WASHC3: variants seen among roughly 807,000 people sequenced by gnomAD.
The protein encoded by WASHC3 is WASH complex subunit CCDC53.
Under a neutral mutation model 26.1 loss-of-function variants are expected in WASHC3, and 24 were observed. The ratio of observed to expected loss-of-function variants is 0.92; its 90% CI spans 0.66 to 1.29. The LOEUF (loss-of-function observed/expected upper bound fraction) is 1.29, where lower values mean the gene tolerates loss of function less well. Ranked by LOEUF, WASHC3 falls within the 50% of genes most tolerant of loss-of-function variation. WASHC3 has a pLI of 0.00. For synonymous variants in WASHC3, 77 were observed against 75.7 expected (o/e 1.02, Z -0.09); for missense variants, 214 against 229.6 (o/e 0.93, Z 0.44).
chr12:102,039,855 C>G lies in WASHC3; in HGVS notation c.435+13G>C, dbSNP rs371781582. ...AGGCTGCTACACAAAGAAGACAGACCAAGTTAGCTTACCACTTGAACCATT... is the reference window on the plus strand; with the variant it reads ...AGGCTGCTACACAAAGAAGACAGACGAAGTTAGCTTACCACTTGAACCATT... On this transcript the variant is annotated intron_variant, in intron 5 of 6. Coordinates refer to ENST00000240079, the MANE Select transcript of WASHC3 (RefSeq NM_016053.4). 135 of 1,288,500 alleles carry G rather than the reference C, an allele frequency of 1.0e-4. 2 individuals are homozygous for G. Among genetic ancestry groups the G allele is most frequent in the East Asian group, 8.8e-4 (38 of 43,188 alleles). 79.8% of individuals were successfully genotyped at this position (1,288,500 alleles called of 1,614,324 possible). A position where few individuals can be genotyped will look rare whatever the true frequency, so the allele number is the denominator to read the frequency against.
chr12:102,049,989 AATTTAAAAAAATT>A (rs2136681709), intron 2 of WASHC3, among the ~76,000 whole-genome samples: 1 of 152,308 alleles, frequency 6.6e-6, no homozygotes, highest in Non-Finnish European at 1.5e-5. Context: ...AAAATTTCAG[AATTTAAAAAAATT>A]ATTTAAAAAT....
intron 2 of WASHC3, among the ~76,000 whole-genome samples, chr12:102,054,219 G>C (rs1854582835): frequency 6.6e-6 from 1 of 152,200 alleles, no homozygotes; most frequent in South Asian, 2.1e-4. Flanking sequence ...AATCGCAGCA[G>C]TAAGTCCTTA....
chr12:102,018,770 C>G (rs1174783640), intron 6 of WASHC3, among the ~76,000 whole-genome samples: 1 of 151,896 alleles, frequency 6.6e-6, no homozygotes, highest in East Asian at 1.9e-4. Context: ...GCACCTGGCT[C>G]CTCATTCATT....
chr12:102,036,888 A>G (rs759768844), intron 5 of WASHC3, among the ~76,000 whole-genome samples: 2 of 152,230 alleles, frequency 1.3e-5, no homozygotes, highest in Non-Finnish European at 2.9e-5. Context: ...AGGATGGGCT[A>G]GAGTTAAGTG....
chr12:102,024,009 GAAT>G lies in WASHC3; in HGVS notation c.500+1962_500+1964del, dbSNP rs1215985237. ...TGGTGATACCTGATGGAGTCTTAAA[GAAT>G]AATAGGTTAGCCAGGCCAGTAAGAT... On this transcript the variant is annotated intron_variant, in intron 6 of 6. Coordinates refer to ENST00000240079, the MANE Select transcript of WASHC3 (RefSeq NM_016053.4). Among the ~76,000 whole-genome samples the G allele has an allele frequency of 8.5e-5, 13 of 152,206 alleles. No individual in the cohort carries two copies. The South Asian group carries it at 2.3e-3, about 27-fold the overall frequency.
At chr12:102,017,398 CT>C (rs1876753353) in intron 6 of WASHC3, among the ~76,000 whole-genome samples, 1 of 152,196 alleles carries the variant, frequency 6.6e-6, no homozygotes, top group Non-Finnish European at 1.5e-5. Context: ...AAAAAATAGT[CT>C]GCTGAAGTCG....
At chr12:102,017,461 C>T (rs1320312776) in intron 6 of WASHC3, among the ~76,000 whole-genome samples, 2 of 152,092 alleles carry the variant, frequency 1.3e-5, no homozygotes, top group Admixed American at 6.6e-5. Flanking sequence ...TTTTGTGATT[C>T]GAGTAAGACT....
At chr12:102,018,603 C>T (rs1049645682) in intron 6 of WASHC3, among the ~76,000 whole-genome samples, 11 of 151,812 alleles carry the variant, frequency 7.2e-5, no homozygotes, top group African/African-American at 1.9e-4. Context: ...CTCCCAAGTA[C>T]TTGGGACTGC....
chr12:102,013,242 G>T, intron 6 of WASHC3, 50 bp from the exon 7 acceptor site: 3 of 891,810 alleles, frequency 3.4e-6, no homozygotes, highest in Non-Finnish European at 5.3e-6. Flanking sequence ...ATTGAAAAGA[G>T]CACTTACAAA....
At chr12:102,034,902 A>C (rs1445339550) in intron 5 of WASHC3, among the ~76,000 whole-genome samples, 1 of 151,964 alleles carries the variant, frequency 6.6e-6, no homozygotes, top group African/African-American at 2.4e-5. Flanking sequence ...CTTGTGTATG[A>C]GAACTGGCAT....
At chr12:102,031,467 G>T (rs1440498665) in intron 5 of WASHC3, among the ~76,000 whole-genome samples, 2 of 152,184 alleles carry the variant, frequency 1.3e-5, no homozygotes, top group East Asian at 3.8e-4. Flanking sequence ...TCTTTTAGTT[G>T]TAGTCAGACC....
At chr12:102,049,429 G>A (rs1878300828) in intron 2 of WASHC3, among the ~76,000 whole-genome samples, 2 of 152,234 alleles carry the variant, frequency 1.3e-5, no homozygotes, top group Admixed American at 6.5e-5. Flanking sequence ...TCTTCATGAA[G>A]ACTGAAAACA....
chr12:102,036,162 C>A (rs578236574), intron 5 of WASHC3, among the ~76,000 whole-genome samples: 1 of 152,058 alleles, frequency 6.6e-6, no homozygotes, highest in Admixed American at 6.5e-5. Context: ...GAGTTCAACA[C>A]CAGCCTGGCC....
chr12:102,028,110 C>T (rs17032237), intron 5 of WASHC3, among the ~76,000 whole-genome samples: 5,361 of 151,986 alleles, frequency 0.035, 382 homozygotes, highest in East Asian at 0.29. Context: ...TAGGGGCATC[C>T]GATGTGAACA....
At chr12:102,051,581 C>T (rs1878395881) in intron 2 of WASHC3, among the ~76,000 whole-genome samples, 1 of 152,214 alleles carries the variant, frequency 6.6e-6, no homozygotes, top group African/African-American at 2.4e-5. Flanking sequence ...AAGCATGCTT[C>T]TTAATCAGAT....
chr12:102,060,026 A>G (rs1201409457), intron 2 of WASHC3, among the ~76,000 whole-genome samples: 1 of 152,234 alleles, frequency 6.6e-6, no homozygotes. Flanking sequence ...AGACAAAACA[A>G]TAACTGGAAT....
chr12:102,054,052 TG>T (rs1486088775), intron 2 of WASHC3, among the ~76,000 whole-genome samples: 1 of 152,126 alleles, frequency 6.6e-6, no homozygotes, highest in Non-Finnish European at 1.5e-5. Context: ...GTCAGCCTCA[TG>T]GGAACAACAA....
intron 2 of WASHC3, among the ~76,000 whole-genome samples, chr12:102,051,551 C>G (rs904594439): frequency 6.6e-6 from 1 of 152,206 alleles, no homozygotes; most frequent in Non-Finnish European, 1.5e-5. Flanking sequence ...GTACTGCACT[C>G]TCTCACTTGA....
rs1410701475 is a variant in WASHC3 at position 102,040,890 on chromosome 12, T to C, written c.325-912A>G. ...AAGAATTTCCTTAGAAGAAATCAAT[T>C]TTATGTCTATTGTTCATTCTGAAAT... On this transcript the variant is annotated intron_variant, in intron 4 of 6. Coordinates refer to ENST00000240079, the MANE Select transcript of WASHC3 (RefSeq NM_016053.4). Among the ~76,000 whole-genome samples, 3 of 152,006 alleles carry C rather than the reference T, an allele frequency of 2.0e-5. No homozygotes were observed. In the East Asian group the frequency reaches 5.8e-4, roughly 29 times the overall value.
Sources: allele counts gnomAD v4.1 joint callset (sites outside exome capture counted in the v4.1 genomes callset), GRCh38; gene constraint gnomAD v4.1.1; transcripts MANE v1.5; gene names NCBI Gene and HGNC (gene_info 2026-07-23, HGNC 2026-07-21).